The following LAMA2 variants were observed in gnomAD, a reference collection of about 807,000 sequenced individuals.
The protein encoded by LAMA2 is laminin subunit alpha 2.
A neutral mutation model predicts 364.8 loss-of-function variants in LAMA2; 269 were observed. That is an observed-to-expected ratio of 0.74 (90% CI 0.67 to 0.82). The LOEUF (loss-of-function observed/expected upper bound fraction) is 0.82. Ranked by LOEUF, LAMA2 falls within the 40% of genes least tolerant of loss-of-function variation. The pLI is 0.00. For synonymous variants in LAMA2, 1,379 were observed against 1,370.6 expected (o/e 1.01, Z -0.14); for missense variants, 3,807 against 3,873.2 (o/e 0.98, Z 0.45).
At chr6:128,908,880 C>T (rs1212683407) in intron 1 of LAMA2, among the ~76,000 whole-genome samples, 1 of 148,046 alleles carries the variant, frequency 6.8e-6, no homozygotes, top group Non-Finnish European at 1.5e-5. Context: ...TTTCTGCCTT[C>T]ATTTCGTTAT....
At chr6:129,142,735 G>A (rs1199212325) in intron 4 of LAMA2, among the ~76,000 whole-genome samples, 1 of 151,920 alleles carries the variant, frequency 6.6e-6, no homozygotes, top group Non-Finnish European at 1.5e-5. Flanking sequence ...AATGTAAGAG[G>A]TATGTATCTA....
intron 12 of LAMA2, among the ~76,000 whole-genome samples, chr6:129,222,051 TCAG>T (rs1456006313): frequency 6.6e-6 from 1 of 152,182 alleles, no homozygotes; most frequent in Non-Finnish European, 1.5e-5. Flanking sequence ...AACACAAAAT[TCAG>T]CATGTCAGGG....
Position 129,481,371 on chromosome 6 carries a change from G to C in LAMA2, c.7681G>C (p.Gly2561Arg), listed in dbSNP as rs200341138. The C allele has an allele frequency of 1.9e-6, 3 of 1,613,860 alleles. No homozygotes were observed. The South Asian group carries it at 3.3e-5, about 18-fold the overall frequency. ...NLSFSTKNES[G>R]IILLGSGGTP... ...GTCATTCAGCACCAAGAATGAGTCC[G>C]GCATCATTCTTTTGGGAAGTGGAGG... The change falls in exon 55 of 65, where the codon GGC (glycine) becomes CGC (arginine). Residue 2561 changes from glycine to arginine, a missense_variant. By Grantham distance (125) the Gly-to-Arg change is moderately radical (BLOSUM62 -2). Around this residue, in one of 3 missense-constraint regions of LAMA2, gnomAD observed 3,333 missense variants for 3,345.7 expected, o/e 1.00. Transcript: ENST00000421865.
Position 129,456,346 on chromosome 6 carries a change from A to T in LAMA2, c.6719A>T (p.Asn2240Ile). 1 of 1,613,476 alleles carries T rather than the reference A, an allele frequency of 6.2e-7. No individual in the cohort carries two copies. Among genetic ancestry groups the T allele is most frequent in the Non-Finnish European group, 8.5e-7 (1 of 1,179,584 alleles). ...ACGTACCCTTGAAGAACTGGGAGAA[A>T]TGGAACTATTTCTGTGAGAGCCCTG... ...YRIVASRTGR[N>I]GTISVRALDG... Residue 2240 changes from asparagine (N) to isoleucine (I), a missense_variant, in exon 48 of 65, where the codon AAT (asparagine) becomes ATT (isoleucine). By Grantham distance (149) the Asn-to-Ile change is moderately radical (BLOSUM62 -3). Around this residue, in one of 3 missense-constraint regions of LAMA2, gnomAD observed 3,333 missense variants for 3,345.7 expected, o/e 1.00. Coordinates refer to ENST00000421865, the MANE Select transcript of LAMA2 (RefSeq NM_000426.4).
rs961104814 is a variant in LAMA2, at chr6:129,162,475, T to G, written c.1207-3101T>G. Among the ~76,000 whole-genome samples the G allele has an allele frequency of 2.0e-4, 31 of 152,094 alleles. 1 individual carries two copies. The highest frequency in any genetic ancestry group is 6.6e-5 in the Admixed American group (1 of 15,244). On this transcript the variant is annotated intron_variant, in intron 8 of 64. Coordinates refer to ENST00000421865, the MANE Select transcript of LAMA2 (RefSeq NM_000426.4). ...TCCTTTAACATTTTTTTTTTGGTAG[T>G]GCAGAGCTGCTGGTGACAAATTTTC...
intron 22 of LAMA2, among the ~76,000 whole-genome samples, chr6:129,311,501 A>G (rs898458695): frequency 6.6e-6 from 1 of 152,172 alleles, no homozygotes; most frequent in African/African-American, 2.4e-5. Flanking sequence ...GCCTCTATTG[A>G]CTAAGCCTAT....
chr6:129,288,743 C>A (rs938091479), intron 19 of LAMA2, among the ~76,000 whole-genome samples: 2 of 152,106 alleles, frequency 1.3e-5, no homozygotes, highest in African/African-American at 2.4e-5. Flanking sequence ...ATAGAATTTC[C>A]AAATCCTTAA....
At chr6:128,975,710 A>T (rs1481531934) in intron 1 of LAMA2, among the ~76,000 whole-genome samples, 1 of 152,054 alleles carries the variant, frequency 6.6e-6, no homozygotes, top group Non-Finnish European at 1.5e-5. Flanking sequence ...TATAAAGGAG[A>T]GTTCCCCTGC....
chr6:129,235,399 A>G (rs1784918711), intron 12 of LAMA2, among the ~76,000 whole-genome samples: 1 of 152,172 alleles, frequency 6.6e-6, no homozygotes, highest in Admixed American at 6.6e-5. Context: ...TCAAAAGACC[A>G]ATAATAATGG....
chr6:129,445,012 A>AT (rs112329382), intron 44 of LAMA2, among the ~76,000 whole-genome samples: 2 of 152,010 alleles, frequency 1.3e-5, no homozygotes, highest in African/African-American at 4.8e-5. Flanking sequence ...GTAACCCTTT[A>AT]TTTTTTTTAA....
intron 22 of LAMA2, among the ~76,000 whole-genome samples, chr6:129,309,364 A>G (rs1431653008): frequency 2.0e-5 from 3 of 152,218 alleles, no homozygotes; most frequent in Non-Finnish European, 4.4e-5. Flanking sequence ...TTTATTCTCC[A>G]CTATAACTTC....
chr6:129,469,470 G>A (rs963661795), intron 51 of LAMA2, among the ~76,000 whole-genome samples: 2 of 151,874 alleles, frequency 1.3e-5, no homozygotes, highest in African/African-American at 4.8e-5. Flanking sequence ...AGAAGGTGGA[G>A]ACACTGGAAC....
chr6:129,184,249 C>G (rs1202126410), intron 10 of LAMA2, among the ~76,000 whole-genome samples: 2 of 151,856 alleles, frequency 1.3e-5, no homozygotes, highest in Admixed American at 1.3e-4. Context: ...AGACTTGATT[C>G]CTGGGCATTT....
intron 1 of LAMA2, among the ~76,000 whole-genome samples, chr6:128,943,975 A>T (rs1780338522): frequency 6.6e-6 from 1 of 152,216 alleles, no homozygotes; most frequent in Non-Finnish European, 1.5e-5. Context: ...TACGTCTGTT[A>T]TGATGCAATT....
chr6:129,145,141 C>T (rs1026345115), intron 5 of LAMA2, among the ~76,000 whole-genome samples: 3 of 151,950 alleles, frequency 2.0e-5, no homozygotes, highest in Non-Finnish European at 2.9e-5. Flanking sequence ...GCATTTAATT[C>T]TAGAATGATC....
At chr6:129,374,388 C>T (rs1304575105) in intron 34 of LAMA2, among the ~76,000 whole-genome samples, 1 of 152,136 alleles carries the variant, frequency 6.6e-6, no homozygotes, top group East Asian at 1.9e-4. Context: ...ACTAGGACTG[C>T]ACATTGGAAT....
At chr6:129,325,819 G>T (rs1177521260) in intron 28 of LAMA2, among the ~76,000 whole-genome samples, 1 of 151,962 alleles carries the variant, frequency 6.6e-6, no homozygotes, top group African/African-American at 2.4e-5. Context: ...ATAGTACCAA[G>T]GAGTGGTATG....
At chr6:129,442,545 C>T (rs978476555) in intron 43 of LAMA2, among the ~76,000 whole-genome samples, 2 of 152,046 alleles carry the variant, frequency 1.3e-5, no homozygotes, top group Non-Finnish European at 1.5e-5. Flanking sequence ...ATTTTAAGTT[C>T]AGGCGTATAA....
intron 62 of LAMA2, among the ~76,000 whole-genome samples, chr6:129,510,221 A>G (rs1337028703): frequency 6.6e-6 from 1 of 152,132 alleles, no homozygotes; most frequent in Non-Finnish European, 1.5e-5. Context: ...AAGCCTAAAG[A>G]CCCCACCAAA....
Sources: gnomAD v4.1 joint callset for allele counts (sites outside exome capture counted in the v4.1 genomes callset) on GRCh38, gnomAD v4.1.1 for gene constraint, gnomAD v4.1.1 regional missense constraint, MANE v1.5 for transcripts, NCBI Gene and HGNC (gene_info 2026-07-23, HGNC 2026-07-21) for gene names.